DSCAM: variants seen among roughly 807,000 people sequenced by gnomAD.
DSCAM encodes the protein cell adhesion molecule DSCAM.
A neutral mutation model predicts 217.7 loss-of-function variants in DSCAM; 47 were observed. The ratio of observed to expected loss-of-function variants is 0.22; its 90% confidence interval spans 0.17 to 0.28. The LOEUF (loss-of-function observed/expected upper bound fraction) is 0.28. Among genes scored for constraint, DSCAM ranks in the 10% least tolerant of loss-of-function variants. The pLI, the probability that DSCAM is intolerant of heterozygous loss-of-function variation, is 1.00. For missense variants in DSCAM, 2,080 were observed against 2,618.3 expected (o/e 0.79, Z 4.49); for synonymous variants, 1,056 against 1,015.3 (o/e 1.04, Z -0.76).
rs115042809 is a variant in DSCAM at position 40,349,573 on chromosome 21, G to A, written c.935-1628C>T. Among the ~76,000 whole-genome samples, 520 of 152,246 alleles carry A rather than the reference G, an allele frequency of 3.4e-3. 2 individuals carry two copies. Among genetic ancestry groups the A allele is most frequent in the Middle Eastern group, 0.02 (6 of 294 alleles). On this transcript the variant is annotated intron_variant, in intron 5 of 32. Coordinates refer to ENST00000400454, the MANE Select transcript of DSCAM (RefSeq NM_001389.5). ...AGCTAGCTTGTGCTATAAAATTATC[G>A]ACTATCTTTCATACATCATTTAAGT...
intron 16 of DSCAM, among the ~76,000 whole-genome samples, chr21:40,160,099 C>T (rs754200814): frequency 1.1e-4 from 16 of 152,160 alleles, no homozygotes; most frequent in East Asian, 9.6e-4. Context: ...GGCCCACATC[C>T]GTTATCCTCT....
intron 16 of DSCAM, among the ~76,000 whole-genome samples, chr21:40,149,904 T>C (rs112212219): frequency 0.099 from 13,797 of 139,346 alleles, 1,219 homozygotes; most frequent in East Asian, 0.16. Flanking sequence ...AACCATCCAT[T>C]ATTCCATCAC....
intron 15 of DSCAM, among the ~76,000 whole-genome samples, chr21:40,173,230 T>C (rs79102254): frequency 0.02 from 3,054 of 152,090 alleles, 124 homozygotes; most frequent in African/African-American, 0.07. Context: ...AGGAGAGTGG[T>C]AAGGGAGGCA....
chr21:40,760,719 T>C (rs1177763231), intron 1 of DSCAM, among the ~76,000 whole-genome samples: 1 of 152,228 alleles, frequency 6.6e-6, no homozygotes, highest in East Asian at 1.9e-4. Context: ...GATGCCTGGC[T>C]TGGCTGTGCT....
chr21:40,129,407 C>G (rs888615345), intron 19 of DSCAM, among the ~76,000 whole-genome samples: 1 of 152,150 alleles, frequency 6.6e-6, no homozygotes, highest in South Asian at 2.1e-4. Flanking sequence ...ATCCTTTAAC[C>G]AAATCATCAT....
At chr21:40,307,494 A>T (rs2074091883) in intron 9 of DSCAM, among the ~76,000 whole-genome samples, 1 of 152,204 alleles carries the variant, frequency 6.6e-6, no homozygotes, top group Non-Finnish European at 1.5e-5. Flanking sequence ...GGGACTGTAA[A>T]CTAGTTCTAC....
At chr21:40,498,778 T>TGTATATATATATATGG (rs2076147789) in intron 3 of DSCAM, among the ~76,000 whole-genome samples, 4 of 22,134 alleles carry the variant, frequency 1.8e-4, no homozygotes, top group South Asian at 1.8e-3. Context: ...TATATATGGG[T>TGTATATATATATATGG]GTGTATATAT....
At chr21:40,055,986 A>G (rs544906142) in intron 28 of DSCAM, 146 bp from the exon 29 acceptor site, 1 of 518,364 alleles carries the variant, frequency 1.9e-6, no homozygotes, top group South Asian at 4.1e-5. Context: ...TACTATGAAA[A>G]CGTTTCCTTC....
At chr21:40,306,293 G>C (rs573403838) in intron 9 of DSCAM, among the ~76,000 whole-genome samples, 3,794 of 148,292 alleles carry the variant, frequency 0.026, 292 homozygotes, top group African/African-American at 0.092. Context: ...CATTGATTTT[G>C]TATCCTGAGA....
chr21:40,535,964 G>A (rs971021040), intron 3 of DSCAM, among the ~76,000 whole-genome samples: 1 of 152,212 alleles, frequency 6.6e-6, no homozygotes, highest in Non-Finnish European at 1.5e-5. Flanking sequence ...GAAGCTGGAG[G>A]TAAGTGCTGT....
chr21:40,267,902 A>G (rs974208990), intron 11 of DSCAM, among the ~76,000 whole-genome samples: 4 of 152,128 alleles, frequency 2.6e-5, no homozygotes, highest in African/African-American at 4.8e-5. Flanking sequence ...ACCTCAAAAA[A>G]AGAAAGAAAA....
chr21:40,618,924 A>G (rs58347268), intron 3 of DSCAM: 22,431 of 152,198 alleles, frequency 0.15, 2,070 homozygotes, highest in East Asian at 0.29. Context: ...AGACCCAGGA[A>G]GAAGGGGAGA....
intron 1 of DSCAM, among the ~76,000 whole-genome samples, chr21:40,798,488 C>T (rs1177728324): frequency 6.6e-6 from 1 of 151,928 alleles, no homozygotes; most frequent in Non-Finnish European, 1.5e-5. Context: ...TAAAAGCTTG[C>T]AAACCTATTT....
intron 32 of DSCAM, among the ~76,000 whole-genome samples, chr21:40,033,203 T>C (rs1370456568): frequency 6.6e-6 from 1 of 152,214 alleles, no homozygotes; most frequent in South Asian, 2.1e-4. Context: ...AGCTCCCGTC[T>C]ACAGCTCCCA....
At chr21:40,265,510 G>A (rs2073514474) in intron 11 of DSCAM, among the ~76,000 whole-genome samples, 1 of 151,360 alleles carries the variant, frequency 6.6e-6, no homozygotes, top group South Asian at 2.1e-4. Context: ...AATTCATAGG[G>A]AACCAAAAAA....
At chr21:40,823,075 G>T (rs963123353) in intron 1 of DSCAM, among the ~76,000 whole-genome samples, 1 of 152,010 alleles carries the variant, frequency 6.6e-6, no homozygotes, top group African/African-American at 2.4e-5. Flanking sequence ...GCTTGAACCC[G>T]GGAGGCAGAA....
chr21:40,219,022 A>G (rs2898403), intron 11 of DSCAM, among the ~76,000 whole-genome samples: 7,676 of 152,204 alleles, frequency 0.05, 336 homozygotes, highest in African/African-American at 0.11. Context: ...GTTGAACAGG[A>G]GCAGTGAGAG....
intron 9 of DSCAM, among the ~76,000 whole-genome samples, chr21:40,304,323 A>G (rs1002318846): frequency 2.6e-5 from 4 of 152,254 alleles, no homozygotes; most frequent in Admixed American, 2.6e-4. Flanking sequence ...CTCAGCCTTC[A>G]TAGAAGAGAG....
At position 40,692,821 on chromosome 21, in the gene DSCAM, G is replaced by A; in HGVS notation, c.497C>T (p.Ser166Leu). The change falls in exon 3 of 33, where the codon TCA becomes TTA. Residue 166 changes from serine to leucine, a missense_variant. Ser to Leu is a moderately radical substitution (Grantham distance 145). Transcript: ENST00000400454. ...TVVSWEKDTV[S>L]LVSGSRFLIT... ...GACGCAAAGCCTACCTGAGACAAGTGAAACAGTGTCTTTCTCCCATGAGAC... is the reference window on the plus strand; with the variant it reads ...GACGCAAAGCCTACCTGAGACAAGTAAAACAGTGTCTTTCTCCCATGAGAC... 1 of 1,612,758 alleles carries A rather than the reference G, an allele frequency of 6.2e-7. No homozygotes were observed. Among genetic ancestry groups the A allele is most frequent in the Non-Finnish European group, 8.5e-7 (1 of 1,178,796 alleles).
Sources: gnomAD v4.1 joint callset for allele counts (sites outside exome capture counted in the v4.1 genomes callset) on GRCh38, gnomAD v4.1.1 for gene constraint, MANE v1.5 for transcripts, NCBI Gene and HGNC (gene_info 2026-07-23, HGNC 2026-07-21) for gene names.